HS6ST3: variants seen among roughly 807,000 people sequenced by gnomAD.
HS6ST3 encodes the protein heparan sulfate 6-O-sulfotransferase 3.
A neutral mutation model predicts 36.7 loss-of-function variants in HS6ST3; 12 were observed. The ratio of observed to expected loss-of-function variants is 0.33; its 90% CI spans 0.21 to 0.53. The LOEUF (loss-of-function observed/expected upper bound fraction) is 0.53, where lower values mean the gene tolerates loss of function less well. Ranked by LOEUF, HS6ST3 falls within the 20% of genes least tolerant of loss-of-function variation. HS6ST3 has a pLI of 0.95. For synonymous variants in HS6ST3, 240 were observed against 257.5 expected, an observed-to-expected ratio of 0.93 and a Z score of 0.65; for missense variants, 584 against 640.9, an observed-to-expected ratio of 0.91 and a Z score of 0.96.
At chr13:96,150,352 C>G (rs981611207) in intron 1 of HS6ST3, among the ~76,000 whole-genome samples, 9 of 151,902 alleles carry the variant, frequency 5.9e-5, no homozygotes, top group African/African-American at 2.2e-4. Context: ...AGTGGGTAAG[C>G]CAGGGATAGA....
At chr13:96,307,203 T>C (rs925627937) in intron 1 of HS6ST3, among the ~76,000 whole-genome samples, 4 of 152,184 alleles carry the variant, frequency 2.6e-5, no homozygotes, top group Admixed American at 6.5e-5. Flanking sequence ...GAAAGTGTGC[T>C]CTCTAATATC....
chr13:96,404,444 C>T (rs768286151), intron 1 of HS6ST3, among the ~76,000 whole-genome samples: 3 of 152,160 alleles, frequency 2.0e-5, no homozygotes, highest in Non-Finnish European at 4.4e-5. Context: ...AGCAAAATTA[C>T]TTAACATTTT....
intron 1 of HS6ST3, among the ~76,000 whole-genome samples, chr13:96,340,106 A>G (rs1037845032): frequency 1.3e-5 from 2 of 152,204 alleles, no homozygotes; most frequent in African/African-American, 2.4e-5. Context: ...TTTATGGGCT[A>G]TTATGTATTA....
chr13:96,251,033 A>G (rs1178615279), intron 1 of HS6ST3, among the ~76,000 whole-genome samples: 1 of 152,180 alleles, frequency 6.6e-6, no homozygotes, highest in Non-Finnish European at 1.5e-5. Flanking sequence ...TTCATAAAAG[A>G]TACTGACCTG....
intron 1 of HS6ST3, among the ~76,000 whole-genome samples, chr13:96,190,902 C>T (rs867684470): frequency 5.3e-5 from 8 of 149,542 alleles, no homozygotes; most frequent in Admixed American, 2.0e-4. Context: ...TGAAGAGGGC[C>T]AGTGGGGCTG....
chr13:96,483,505 A>G (rs1267323614), intron 1 of HS6ST3, among the ~76,000 whole-genome samples: 1 of 152,222 alleles, frequency 6.6e-6, no homozygotes, highest in African/African-American at 2.4e-5. Flanking sequence ...AGGCATTTCA[A>G]TTAAATATCG....
intron 1 of HS6ST3, among the ~76,000 whole-genome samples, chr13:96,707,148 A>C (rs866078277): frequency 6.6e-6 from 1 of 152,030 alleles, no homozygotes; most frequent in Non-Finnish European, 1.5e-5. Flanking sequence ...CCCTACTGTG[A>C]TGGTATTTGG....
At chr13:96,393,350 G>C (rs1025839983) in intron 1 of HS6ST3, among the ~76,000 whole-genome samples, 2 of 152,096 alleles carry the variant, frequency 1.3e-5, no homozygotes, top group Non-Finnish European at 1.5e-5. Flanking sequence ...GTAGCAAGCT[G>C]TTATAATCAT....
At chr13:96,265,182 AC>A (rs2054685549) in intron 1 of HS6ST3, among the ~76,000 whole-genome samples, 1 of 151,620 alleles carries the variant, frequency 6.6e-6, no homozygotes, top group Admixed American at 6.6e-5. Flanking sequence ...ATATGCACAC[AC>A]TTTTTTTTTT....
chr13:96,420,913 T>G (rs2055559152), intron 1 of HS6ST3, among the ~76,000 whole-genome samples: 2 of 152,226 alleles, frequency 1.3e-5, no homozygotes, highest in Non-Finnish European at 2.9e-5. Context: ...CATGGTTTTC[T>G]TAGCTCCAGT....
intron 1 of HS6ST3, among the ~76,000 whole-genome samples, chr13:96,740,182 C>A (rs767055438): frequency 5.5e-4 from 83 of 152,154 alleles, no homozygotes; most frequent in Non-Finnish European, 1.1e-3. Flanking sequence ...ATGTACACTC[C>A]TTCAAGGTAC....
At chr13:96,767,548 A>G (rs1015926653) in intron 1 of HS6ST3, among the ~76,000 whole-genome samples, 1 of 152,222 alleles carries the variant, frequency 6.6e-6, no homozygotes, top group South Asian at 2.1e-4. Flanking sequence ...CATCTTGTAC[A>G]CAGCTTCCAT....
intron 1 of HS6ST3, among the ~76,000 whole-genome samples, chr13:96,255,551 A>G (rs1297565933): frequency 6.6e-6 from 1 of 152,172 alleles, no homozygotes; most frequent in African/African-American, 2.4e-5. Context: ...TCTCAACTTC[A>G]CAGAATTTTA....
At chr13:96,815,135 T>A (rs1215092135) in intron 1 of HS6ST3, among the ~76,000 whole-genome samples, 2 of 152,188 alleles carry the variant, frequency 1.3e-5, no homozygotes, top group Non-Finnish European at 2.9e-5. Flanking sequence ...AATCTGGAAG[T>A]CCAAGATCAA....
chr13:96,812,871 T>C (rs748079537), intron 1 of HS6ST3, among the ~76,000 whole-genome samples: 2 of 152,216 alleles, frequency 1.3e-5, no homozygotes, highest in Non-Finnish European at 1.5e-5. Flanking sequence ...TAGGATTTGC[T>C]GAAAAGCTCC....
At chr13:96,427,933 G>C (rs1213778129) in intron 1 of HS6ST3, among the ~76,000 whole-genome samples, 2 of 152,226 alleles carry the variant, frequency 1.3e-5, no homozygotes. Flanking sequence ...CTCATGGACA[G>C]ATTGAGTTTA....
chr13:96,657,847 A>C (rs918770501), intron 1 of HS6ST3, among the ~76,000 whole-genome samples: 1 of 152,156 alleles, frequency 6.6e-6, no homozygotes. Flanking sequence ...AATGTGAAGA[A>C]CAAGGCAGCA....
intron 1 of HS6ST3, among the ~76,000 whole-genome samples, chr13:96,217,745 T>C (rs2054434136): frequency 6.6e-6 from 1 of 152,178 alleles, no homozygotes; most frequent in African/African-American, 2.4e-5. Context: ...AGAAGCAGTA[T>C]GTATGTTTGT....
chr13:96,802,341 A>G (rs1322560456), intron 1 of HS6ST3, among the ~76,000 whole-genome samples: 1 of 152,196 alleles, frequency 6.6e-6, no homozygotes, highest in Non-Finnish European at 1.5e-5. Flanking sequence ...TCCATCTCTC[A>G]AGGAATAATT....
Sources: allele counts gnomAD v4.1 joint callset (sites outside exome capture counted in the v4.1 genomes callset), GRCh38; gene constraint gnomAD v4.1.1; transcripts MANE v1.5; gene names NCBI Gene and HGNC (gene_info 2026-07-23, HGNC 2026-07-21).